Variants in SEPTIN9 observed in about 807,000 individuals in gnomAD.
SEPTIN9 encodes septin 9.
A neutral mutation model predicts 56.6 loss-of-function variants in SEPTIN9; 13 were observed. That is an observed-to-expected ratio of 0.23 (90% CI 0.15 to 0.37). The LOEUF (loss-of-function observed/expected upper bound fraction) is 0.37, where lower values mean the gene tolerates loss of function less well. SEPTIN9 is among the 10% of genes least tolerant of loss of function. The pLI is 1.00. For synonymous variants in SEPTIN9, 332 were observed against 334.1 expected, an observed-to-expected ratio of 0.99 and a Z score of 0.07; for missense variants, 650 against 823.1, an observed-to-expected ratio of 0.79 and a Z score of 2.57.
At chr17:77,395,658 C>T (rs931789162) in intron 2 of SEPTIN9, among the ~76,000 whole-genome samples, 1 of 152,112 alleles carries the variant, frequency 6.6e-6, no homozygotes, top group African/African-American at 2.4e-5. Flanking sequence ...TCATTCCATC[C>T]AGAGATCGTT....
At chr17:77,459,074 C>T (rs991745116) in intron 3 of SEPTIN9, among the ~76,000 whole-genome samples, 6 of 152,210 alleles carry the variant, frequency 3.9e-5, no homozygotes, top group Non-Finnish European at 7.4e-5. Context: ...CGGCCCCACA[C>T]GTGGCACCAC....
In SEPTIN9 at chr17:77,435,325, C is replaced by T. The variant is rs1329070011; in HGVS notation, c.721+32622C>T. Reference sequence around the variant, plus strand: ...GTGCAGTGACTTGGCCAGCTTCGCACGGCAGGTTAGTGGCAGAGCTGAGCA... The same window carrying T: ...GTGCAGTGACTTGGCCAGCTTCGCATGGCAGGTTAGTGGCAGAGCTGAGCA... On this transcript the variant is annotated intron_variant, in intron 3 of 11. Coordinates refer to ENST00000427177, the MANE Select transcript of SEPTIN9 (RefSeq NM_001113491.2). This position sits in a 1 kb window ranked among gnomAD's most constrained non-coding sequence, Gnocchi z 4.5. Among the ~76,000 whole-genome samples the T allele has an allele frequency of 2.0e-5, 3 of 152,162 alleles. No individual in the cohort carries two copies. Among genetic ancestry groups the T allele is most frequent in the South Asian group, 2.1e-4 (1 of 4,830 alleles).
At chr17:77,463,319 A>G (rs2038567345) in intron 3 of SEPTIN9, among the ~76,000 whole-genome samples, 1 of 152,130 alleles carries the variant, frequency 6.6e-6, no homozygotes, top group African/African-American at 2.4e-5. Flanking sequence ...CCATCAGAGC[A>G]CACAGTCTGC....
intron 2 of SEPTIN9, among the ~76,000 whole-genome samples, chr17:77,379,870 A>G (rs1415181433): frequency 6.6e-6 from 1 of 151,974 alleles, no homozygotes; most frequent in African/African-American, 2.4e-5. Context: ...CTCCCTTGAC[A>G]AAGCCACTGA....
rs750772174 is a variant in SEPTIN9 at position 77,402,109 on chromosome 17, C to T, written c.127C>T (p.Pro43Ser). Reference protein sequence around the residue: ...VEEVETPNSTPPRRVQTPLLR... With the variant: ...VEEVETPNSTSPRRVQTPLLR... Reference sequence around the variant, plus strand: ...GGAGGTCGAGACACCCAACTCCACCCCACCCCGGAGGGTCCAGACTCCCCT... The same window carrying T: ...GGAGGTCGAGACACCCAACTCCACCTCACCCCGGAGGGTCCAGACTCCCCT... Residue 43 changes from proline to serine, a missense_variant, in exon 3 of 12, where the codon CCA becomes TCA. By Grantham distance (74) the Pro-to-Ser change is moderately conservative. Around this residue, in one of 2 missense-constraint regions of SEPTIN9, gnomAD observed 317 missense variants for 329.1 expected, o/e 0.96. Coordinates refer to ENST00000427177, the MANE Select transcript of SEPTIN9 (RefSeq NM_001113491.2). This position sits in a 1 kb window ranked among gnomAD's most constrained non-coding sequence, Gnocchi z 6.6. 3.3e-5 allele frequency: 53 copies of T among 1,613,834 alleles called. No homozygotes were observed. The highest frequency in any genetic ancestry group is 4.1e-5 in the Non-Finnish European group (48 of 1,179,862).
At chr17:77,426,775 T>A (rs1177162566) in intron 3 of SEPTIN9, among the ~76,000 whole-genome samples, 1 of 152,094 alleles carries the variant, frequency 6.6e-6, no homozygotes, top group African/African-American at 2.4e-5. Flanking sequence ...GTCTTGCCGT[T>A]TATTTGTTCA....
intron 3 of SEPTIN9, among the ~76,000 whole-genome samples, chr17:77,442,883 A>AT (rs1488197978): frequency 6.6e-6 from 1 of 151,864 alleles, no homozygotes; most frequent in African/African-American, 2.4e-5. Context: ...AAAAAAACAA[A>AT]TAAAAAAAAA....
chr17:77,379,267 G>A (rs2035054818), intron 2 of SEPTIN9, among the ~76,000 whole-genome samples: 1 of 146,540 alleles, frequency 6.8e-6, no homozygotes, highest in East Asian at 2.1e-4. Flanking sequence ...GGGACTGGGT[G>A]CCTGGAAAAA....
At chr17:77,381,060 G>C (rs2035126702) in intron 2 of SEPTIN9, among the ~76,000 whole-genome samples, 1 of 152,202 alleles carries the variant, frequency 6.6e-6, no homozygotes, top group South Asian at 2.1e-4. Context: ...AACATTCCTG[G>C]CTGTCTCTAC....
At chr17:77,373,237 G>A (rs1315536269) in intron 2 of SEPTIN9, 2 of 1,128,528 alleles carry the variant, frequency 1.8e-6, no homozygotes, top group South Asian at 4.3e-5. Context: ...GTGCGAGACA[G>A]GGAGGCCGGT....
At chr17:77,306,782 G>T (rs1273367649) in intron 1 of SEPTIN9, among the ~76,000 whole-genome samples, 1 of 152,246 alleles carries the variant, frequency 6.6e-6, no homozygotes, top group Admixed American at 6.5e-5. Flanking sequence ...CCAGCTTGGA[G>T]TCTGATGGAC....
rs949205523 is a variant in SEPTIN9 at position 77,318,334 on chromosome 17, C to T, written c.76+11137C>T. Among the ~76,000 whole-genome samples, 2 of 152,098 alleles carry T rather than the reference C, an allele frequency of 1.3e-5. No individual in the cohort carries two copies. The highest frequency in any genetic ancestry group is 4.8e-5 in the African/African-American group (2 of 41,418). On this transcript the variant is annotated intron_variant, in intron 2 of 11. Transcript: ENST00000427177. This position sits in a 1 kb window ranked among gnomAD's most constrained non-coding sequence, Gnocchi z 4.9. ...ATCCCTGTCTGTGTCAAATCTCCCT[C>T]TGCCCCCGTCTTGTATGAGCACCGA...
intron 1 of SEPTIN9, among the ~76,000 whole-genome samples, chr17:77,296,936 AATAG>A (rs2031844997): frequency 6.6e-6 from 1 of 152,172 alleles, no homozygotes; most frequent in Non-Finnish European, 1.5e-5. Flanking sequence ...ATAATTGATA[AATAG>A]ATATAAATGA....
chr17:77,347,206 T>C (rs1000981660), intron 2 of SEPTIN9, among the ~76,000 whole-genome samples: 10 of 151,882 alleles, frequency 6.6e-5, no homozygotes, highest in African/African-American at 1.9e-4. Context: ...GGTGAAACCT[T>C]GTCTCTACTA....
intron 10 of SEPTIN9, among the ~76,000 whole-genome samples, chr17:77,495,910 C>T (rs2040237527): frequency 6.6e-6 from 1 of 152,248 alleles, no homozygotes; most frequent in South Asian, 2.1e-4. Flanking sequence ...TGCGATGGGG[C>T]AGCCTGGAGC....
At chr17:77,292,075 C>T (rs145356840) in intron 1 of SEPTIN9, among the ~76,000 whole-genome samples, 1 of 152,212 alleles carries the variant, frequency 6.6e-6, no homozygotes, top group Non-Finnish European at 1.5e-5. Context: ...CACAGAGCCA[C>T]CCCTTCCCCA....
At chr17:77,419,177 G>C (rs1272594650) in intron 3 of SEPTIN9, among the ~76,000 whole-genome samples, 1 of 152,246 alleles carries the variant, frequency 6.6e-6, no homozygotes, top group African/African-American at 2.4e-5. Flanking sequence ...GCCGCTGTTT[G>C]AACGGAGGTG....
chr17:77,444,856 A>T, intron 3 of SEPTIN9: 11 of 314,418 alleles, frequency 3.5e-5, no homozygotes, highest in South Asian at 2.7e-4. Flanking sequence ...CGTGGTGTAG[A>T]CCTACTTTGA....
At chr17:77,438,098 G>T (rs1452147002) in intron 3 of SEPTIN9, among the ~76,000 whole-genome samples, 2 of 152,228 alleles carry the variant, frequency 1.3e-5, no homozygotes, top group Non-Finnish European at 2.9e-5. Context: ...GGTGCTCCTG[G>T]CCTTGTGACC....
Sources: gnomAD v4.1 joint callset for allele counts (sites outside exome capture counted in the v4.1 genomes callset) on GRCh38, gnomAD v4.1.1 for gene constraint, gnomAD v4.1.1 regional missense constraint, Gnocchi (gnomAD v3.1) non-coding constraint, MANE v1.5 for transcripts, NCBI Gene and HGNC (gene_info 2026-07-23, HGNC 2026-07-21) for gene names.